The following SSBP2 variants were observed in gnomAD, a reference collection of about 807,000 sequenced individuals.
SSBP2 encodes the protein single-stranded DNA-binding protein 2.
SSBP2 carries 17 observed loss-of-function variants against 61.8 expected under a neutral mutation model. That is an observed-to-expected ratio of 0.28 (90% CI 0.19 to 0.41). The LOEUF (loss-of-function observed/expected upper bound fraction) is 0.41. Among genes scored for constraint, SSBP2 ranks in the 10% least tolerant of loss-of-function variants. The pLI is 1.00. For synonymous variants in SSBP2, 139 were observed against 141.3 expected, an observed-to-expected ratio of 0.98 and a Z score of 0.12; for missense variants, 310 against 458.7, an observed-to-expected ratio of 0.68 and a Z score of 2.96.
intron 4 of SSBP2, among the ~76,000 whole-genome samples, chr5:81,529,246 A>G (rs1770206172): frequency 6.6e-6 from 1 of 152,144 alleles, no homozygotes; most frequent in South Asian, 2.1e-4. Context: ...CTGACTCCTT[A>G]AATTGCATTA....
At chr5:81,435,144 G>A (rs1313302085) in intron 15 of SSBP2, among the ~76,000 whole-genome samples, 2 of 152,140 alleles carry the variant, frequency 1.3e-5, no homozygotes, top group African/African-American at 2.4e-5. Context: ...TAAGTGGCAT[G>A]TTTATGACTA....
intron 5 of SSBP2, among the ~76,000 whole-genome samples, chr5:81,512,664 C>T (rs993408678): frequency 4.6e-5 from 7 of 152,078 alleles, no homozygotes; most frequent in South Asian, 4.2e-4. Flanking sequence ...TCAACTGATA[C>T]GGTTTGGAAA....
chr5:81,566,653 G>T (rs13357855), intron 4 of SSBP2, among the ~76,000 whole-genome samples: 14,842 of 152,208 alleles, frequency 0.098, 843 homozygotes, highest in African/African-American at 0.13. Context: ...TCTAAAATGT[G>T]GAAGCAACTT....
intron 1 of SSBP2, among the ~76,000 whole-genome samples, chr5:81,735,363 TG>T (rs998564122): frequency 2.0e-4 from 30 of 152,338 alleles, no homozygotes; most frequent in African/African-American, 7.0e-4. Context: ...TCCACATCCA[TG>T]GGGGATTTGT....
At chr5:81,748,693 G>C (rs1757512423) in intron 1 of SSBP2, among the ~76,000 whole-genome samples, 1 of 152,184 alleles carries the variant, frequency 6.6e-6, no homozygotes, top group South Asian at 2.1e-4. Context: ...CAATTGAAAT[G>C]AATGGAAGAA....
intron 16 of SSBP2, among the ~76,000 whole-genome samples, chr5:81,423,633 T>C (rs2153891284): frequency 6.6e-6 from 1 of 152,088 alleles, no homozygotes; most frequent in Middle Eastern, 3.4e-3. Context: ...TAATCCTAGC[T>C]ACTCAGGAGG....
At chr5:81,508,760 G>GA (rs974041910) in intron 5 of SSBP2, among the ~76,000 whole-genome samples, 8 of 151,998 alleles carry the variant, frequency 5.3e-5, no homozygotes, top group African/African-American at 1.9e-4. Context: ...ACATAAACAG[G>GA]AAAAAAAGGA....
At chr5:81,636,494 G>T in intron 3 of SSBP2, 63 bp downstream of exon 3, 1 of 1,245,818 alleles carries the variant, frequency 8.0e-7, no homozygotes, top group Non-Finnish European at 1.1e-6. Context: ...TCATAAACAG[G>T]TATAGTACAG....
chr5:81,445,732 T>G (rs1763360313), intron 12 of SSBP2, among the ~76,000 whole-genome samples: 1 of 152,190 alleles, frequency 6.6e-6, no homozygotes. Context: ...TATCTTAATT[T>G]CAACAAGCCA....
At chr5:81,497,422 T>C (rs1767371730) in intron 5 of SSBP2, among the ~76,000 whole-genome samples, 4 of 152,196 alleles carry the variant, frequency 2.6e-5, no homozygotes, top group Admixed American at 2.0e-4. Flanking sequence ...CCAACCCTAA[T>C]GGAAGACTAA....
chr5:81,434,553 C>T (rs534842009), intron 15 of SSBP2, among the ~76,000 whole-genome samples: 2 of 140,700 alleles, frequency 1.4e-5, no homozygotes, highest in African/African-American at 5.5e-5. Flanking sequence ...CGTTTGAACC[C>T]AGGAGGCGGA....
At position 81,668,819 on chromosome 5, in the gene SSBP2, C is replaced by A. The variant is rs570748371; in HGVS notation, c.63-18480G>T. Among the ~76,000 whole-genome samples the A allele has an allele frequency of 2.0e-5, 3 of 152,146 alleles. No homozygotes were observed. In the South Asian group the frequency reaches 6.2e-4, roughly 32 times the overall value. On this transcript the variant is annotated intron_variant, in intron 1 of 16. Coordinates refer to ENST00000320672, the MANE Select transcript of SSBP2 (RefSeq NM_012446.5). ...TTAGTCAAGGTCCTCATCATTTGTACAGAAAATTTAAAGACAGAAAAGAAA... is the reference window on the plus strand; with the variant it reads ...TTAGTCAAGGTCCTCATCATTTGTAAAGAAAATTTAAAGACAGAAAAGAAA...
intron 1 of SSBP2, among the ~76,000 whole-genome samples, chr5:81,669,221 T>C (rs575409053): frequency 6.6e-5 from 10 of 152,314 alleles, no homozygotes; most frequent in Admixed American, 6.5e-4. Context: ...GAGATTTTCC[T>C]TCATTGCTGG....
At chr5:81,738,847 A>C (rs910358633) in intron 1 of SSBP2, among the ~76,000 whole-genome samples, 36 of 152,252 alleles carry the variant, frequency 2.4e-4, no homozygotes, top group South Asian at 2.1e-3. Context: ...TGCACCTCAG[A>C]TGGTGTAACT....
At chr5:81,452,112 A>G (rs904494911) in intron 10 of SSBP2, among the ~76,000 whole-genome samples, 133 of 152,286 alleles carry the variant, frequency 8.7e-4, no homozygotes, top group Non-Finnish European at 1.4e-3. Flanking sequence ...AAAAGAAATC[A>G]TGGTTTATTT....
chr5:81,558,972 T>C (rs1353824679), intron 4 of SSBP2, among the ~76,000 whole-genome samples: 1 of 152,218 alleles, frequency 6.6e-6, no homozygotes, highest in Non-Finnish European at 1.5e-5. Context: ...AAATTATTTA[T>C]AGGCCGGGCG....
Position 81,719,340 on chromosome 5 carries a change from A to G in SSBP2, c.62+31641T>C, listed in dbSNP as rs915671630. Among the ~76,000 whole-genome samples, 3 of 152,288 alleles carry G rather than the reference A, an allele frequency of 2.0e-5. No homozygotes were observed. The East Asian group carries it at 5.8e-4, about 29-fold the overall frequency. Reference sequence around the variant, plus strand: ...CTCCAAGAGCTAAAGCCAATCCTGAAAAAGCAGAGGGCTGATGATTAACTT... The same window carrying G: ...CTCCAAGAGCTAAAGCCAATCCTGAGAAAGCAGAGGGCTGATGATTAACTT... On this transcript the variant is annotated intron_variant, in intron 1 of 16. Coordinates refer to ENST00000320672, the MANE Select transcript of SSBP2 (RefSeq NM_012446.5).
chr5:81,717,123 C>T (rs1344650505), intron 1 of SSBP2, among the ~76,000 whole-genome samples: 1 of 152,084 alleles, frequency 6.6e-6, no homozygotes, highest in African/African-American at 2.4e-5. Flanking sequence ...CAATCCTGTA[C>T]ATATTGCTGG....
In SSBP2 at chr5:81,593,394, G is replaced by A. The variant is rs909475802; in HGVS notation, c.282+22079C>T. Reference sequence around the variant, plus strand: ...TGTACCTGAAAGTGAAGGGGAGAATGGAACCAAGTTGGAAAACACTCTGCA... The same window carrying A: ...TGTACCTGAAAGTGAAGGGGAGAATAGAACCAAGTTGGAAAACACTCTGCA... On this transcript the variant is annotated intron_variant, in intron 4 of 16. Coordinates refer to ENST00000320672, the MANE Select transcript of SSBP2 (RefSeq NM_012446.5). Among the ~76,000 whole-genome samples, 5 of 152,134 alleles carry A rather than the reference G, an allele frequency of 3.3e-5. No individual in the cohort carries two copies. The East Asian group carries it at 5.8e-4, about 18-fold the overall frequency.
Sources: allele counts gnomAD v4.1 joint callset (sites outside exome capture counted in the v4.1 genomes callset), GRCh38; gene constraint gnomAD v4.1.1; transcripts MANE v1.5; gene names NCBI Gene and HGNC (gene_info 2026-07-23, HGNC 2026-07-21).